Variants in TNS1 observed in about 807,000 individuals in gnomAD.
TNS1 encodes the protein tensin-1.
TNS1 carries 62 observed loss-of-function variants against 168.6 expected under a neutral mutation model. The ratio of observed to expected loss-of-function variants is 0.37; its 90% CI spans 0.30 to 0.45. The LOEUF (loss-of-function observed/expected upper bound fraction) is 0.45, where lower values mean the gene tolerates loss of function less well. Among genes scored for constraint, TNS1 ranks in the 20% least tolerant of loss-of-function variants. The probability of loss-of-function intolerance (pLI) is 1.00; values close to 1 mark genes in which losing one functional copy is unlikely to be tolerated. For missense variants in TNS1, 2,240 were observed against 2,339.4 expected (o/e 0.96, Z 0.88); for synonymous variants, 934 against 933.2 (o/e 1.00, Z -0.02).
chr2:217,971,975 C>T (rs1296186738), intron 3 of TNS1, among the ~76,000 whole-genome samples: 3 of 152,236 alleles, frequency 2.0e-5, no homozygotes, highest in Non-Finnish European at 4.4e-5. Flanking sequence ...CCAGTCTTCA[C>T]ACCACTGCCC....
chr2:217,833,178 G>T (rs1944688880), intron 21 of TNS1, among the ~76,000 whole-genome samples: 1 of 152,242 alleles, frequency 6.6e-6, no homozygotes, highest in South Asian at 2.1e-4. Flanking sequence ...ACCAACTGGT[G>T]CAGCGGAGGC....
At chr2:217,809,676 G>T in intron 30 of TNS1, 147 bp downstream of exon 30, 1 of 800,698 alleles carries the variant, frequency 1.2e-6, no homozygotes, top group Non-Finnish European at 2.0e-6. Context: ...TGGGTAGATG[G>T]GAGGTAGATG....
rs1222861498 is a variant in TNS1, at chr2:217,870,794, T to G, written c.1429+10104A>C. Among the ~76,000 whole-genome samples, 3 of 152,328 alleles carry G rather than the reference T, an allele frequency of 2.0e-5. No individual in the cohort carries two copies. The East Asian group carries it at 5.8e-4, about 29-fold the overall frequency. The stretch of plus-strand genomic sequence containing the variant: ...GAGGCTGCTGCCCAAGCATGCCAGC[T>G]GCCTCGCAGAGCAGGGCCAGCTAAG... On this transcript the variant is annotated intron_variant, in intron 18 of 32. Coordinates refer to ENST00000682258, the MANE Select transcript of TNS1 (RefSeq NM_001387777.1).
At chr2:217,988,486 A>T (rs1958258827) in intron 2 of TNS1, among the ~76,000 whole-genome samples, 1 of 152,104 alleles carries the variant, frequency 6.6e-6, no homozygotes, top group Non-Finnish European at 1.5e-5. Context: ...GTATCACCAT[A>T]TTGGGAGTCC....
intron 6 of TNS1, among the ~76,000 whole-genome samples, chr2:217,904,081 G>GACC (rs1953362339): frequency 6.6e-6 from 1 of 152,174 alleles, no homozygotes; most frequent in Non-Finnish European, 1.5e-5. Context: ...AGAGATTGGT[G>GACC]ACCAACCTAC....
At chr2:218,014,324 G>GT (rs1958737417), upstream of TNS1, among the ~76,000 whole-genome samples, 1 of 152,140 alleles carries the variant, frequency 6.6e-6, no homozygotes, top group Non-Finnish European at 1.5e-5. Flanking sequence ...GAGAGATAGA[G>GT]TTTCACCACT....
intron 22 of TNS1, among the ~76,000 whole-genome samples, chr2:217,830,774 G>A (rs1431541839): frequency 6.6e-6 from 1 of 152,260 alleles, no homozygotes; most frequent in Non-Finnish European, 1.5e-5. Context: ...GATGAGCACA[G>A]GCCAGGGAGA....
chr2:218,011,452 C>A (rs1325700172), upstream of TNS1, among the ~76,000 whole-genome samples: 5 of 152,242 alleles, frequency 3.3e-5, no homozygotes, highest in African/African-American at 1.2e-4. Context: ...AGAAGAGGGG[C>A]GGAGGAGCTG....
intron 3 of TNS1, among the ~76,000 whole-genome samples, chr2:217,923,432 T>C (rs1277080384): frequency 6.6e-6 from 1 of 152,248 alleles, no homozygotes; most frequent in Non-Finnish European, 1.5e-5. Flanking sequence ...AATTAACTCA[T>C]TTAATTCACG....
intron 30 of TNS1, 60 bp downstream of exon 30, chr2:217,809,763 G>A (rs992622443): frequency 1.3e-6 from 2 of 1,536,314 alleles, no homozygotes; most frequent in African/African-American, 1.4e-5. Context: ...TGGGTACACG[G>A]ATGAATAGAT....
chr2:217,974,293 A>C (rs1957838953), intron 3 of TNS1, among the ~76,000 whole-genome samples: 1 of 152,148 alleles, frequency 6.6e-6, no homozygotes, highest in Non-Finnish European at 1.5e-5. Flanking sequence ...ATATGATTAG[A>C]ATTATTATTT....
rs369393471 is a variant in TNS1, at chr2:217,818,427, C to T, written c.3905G>A (p.Arg1302Gln). 249 of 1,613,912 alleles carry T rather than the reference C, an allele frequency of 1.5e-4. No homozygotes were observed. The Admixed American group carries it at 3.4e-3, about 22-fold the overall frequency. ...GGCAGCCATGCTGGGATTGATGGCC[C>T]GCCAGCCGAAGCCAGGACTAGGGGG... ...NTPPSPGFGWRAINPSMAAPS... is the reference protein window; with the variant it reads ...NTPPSPGFGWQAINPSMAAPS... Residue 1302 changes from arginine (R) to glutamine (Q), a missense_variant, in exon 24 of 33, where the codon CGG (arginine) becomes CAG (glutamine). Around this residue, in one of 2 missense-constraint regions of TNS1, gnomAD observed 2,131 missense variants for 2,171.2 expected, o/e 0.98. Transcript: ENST00000682258.
At chr2:217,924,905 C>T (rs1486618635) in intron 3 of TNS1, among the ~76,000 whole-genome samples, 1 of 152,212 alleles carries the variant, frequency 6.6e-6, no homozygotes. Context: ...TTTGATCAGT[C>T]TCATCATAAG....
intron 3 of TNS1, among the ~76,000 whole-genome samples, chr2:217,967,672 A>G (rs1324457870): frequency 2.0e-5 from 3 of 152,222 alleles, no homozygotes; most frequent in African/African-American, 7.2e-5. Context: ...TGGCAATCAA[A>G]AAACTACACG....
intron 3 of TNS1, among the ~76,000 whole-genome samples, chr2:217,921,120 T>G (rs1284386868): frequency 1.3e-5 from 2 of 152,150 alleles, no homozygotes; most frequent in African/African-American, 4.8e-5. Context: ...AGGCGAGCCA[T>G]TACCCTGACA....
intron 18 of TNS1, among the ~76,000 whole-genome samples, chr2:217,875,510 G>A (rs750105441): frequency 6.6e-6 from 1 of 152,174 alleles, no homozygotes; most frequent in Non-Finnish European, 1.5e-5. Flanking sequence ...TGGAAAAAGA[G>A]TTACCAGAGA....
upstream of TNS1, among the ~76,000 whole-genome samples, chr2:218,003,512 C>T (rs1027758587): frequency 7.9e-5 from 12 of 151,272 alleles, no homozygotes; most frequent in Non-Finnish European, 1.6e-4. Context: ...GGTGCCCACG[C>T]GCCAAGCTCA....
intron 3 of TNS1, among the ~76,000 whole-genome samples, chr2:217,956,892 G>C (rs1238042301): frequency 6.6e-6 from 1 of 152,196 alleles, no homozygotes; most frequent in African/African-American, 2.4e-5. Context: ...ACTGAGGCAT[G>C]AGGCCTCCTA....
upstream of TNS1, among the ~76,000 whole-genome samples, chr2:218,011,503 CCAGACCCCTCCCCCA>C (rs1346404120): frequency 6.6e-6 from 1 of 152,150 alleles, no homozygotes; most frequent in Non-Finnish European, 1.5e-5. Flanking sequence ...TGGAGCCCAG[CCAGACCCCTCCCCCA>C]TCCCCCTGGG....
Sources: gnomAD v4.1 joint callset for allele counts (sites outside exome capture counted in the v4.1 genomes callset) on GRCh38, gnomAD v4.1.1 for gene constraint, gnomAD v4.1.1 regional missense constraint, MANE v1.5 for transcripts, NCBI Gene and HGNC (gene_info 2026-07-23, HGNC 2026-07-21) for gene names.